Variants in AMOTL1 observed in about 807,000 individuals in gnomAD.
AMOTL1 encodes the protein angiomotin-like protein 1.
AMOTL1 carries 45 observed loss-of-function variants against 102.9 expected under a neutral mutation model. The ratio of observed to expected loss-of-function variants is 0.44; its 90% CI spans 0.34 to 0.56. The LOEUF is 0.56. AMOTL1 is among the 20% of genes least tolerant of loss of function. The pLI, the probability that AMOTL1 is intolerant of heterozygous loss-of-function variation, is 0.01. For synonymous variants in AMOTL1, 481 were observed against 484.7 expected (o/e 0.99, Z 0.10); for missense variants, 1,114 against 1,225.6 (o/e 0.91, Z 1.36).
chr11:94,766,478 CTTG>C (rs1177401063), upstream of AMOTL1, among the ~76,000 whole-genome samples: 3 of 152,200 alleles, frequency 2.0e-5, no homozygotes, highest in African/African-American at 7.2e-5. Flanking sequence ...TTGTTCTAAA[CTTG>C]ATGGTTGTAA....
intron 1 of AMOTL1, among the ~76,000 whole-genome samples, chr11:94,769,531 C>T (rs531834706): frequency 4.9e-4 from 75 of 152,326 alleles, no homozygotes; most frequent in Non-Finnish European, 5.4e-4. Flanking sequence ...CCGCGCCTCG[C>T]CCACCCTACT....
intron 3 of AMOTL1, 93 bp from the exon 4 acceptor site, chr11:94,821,437 T>A: frequency 1.5e-6 from 2 of 1,341,016 alleles, no homozygotes; most frequent in South Asian, 2.8e-5. Flanking sequence ...CCTCTGACCA[T>A]GGAAGCCATC....
chr11:94,759,937 C>G (rs569537697), intron 3 of AMOTL1, among the ~76,000 whole-genome samples: 1 of 152,340 alleles, frequency 6.6e-6, no homozygotes, highest in East Asian at 1.9e-4. Context: ...GGTCCATGGA[C>G]AAGCAGCATC....
At chr11:94,811,752 T>A (rs980368981) in intron 3 of AMOTL1, among the ~76,000 whole-genome samples, 2 of 152,160 alleles carry the variant, frequency 1.3e-5, no homozygotes, top group African/African-American at 4.8e-5. Context: ...ATTTATACAA[T>A]TACTGAGCAC....
At position 94,787,645 on chromosome 11, in the gene AMOTL1, G is replaced by A. The variant is rs555798478; in HGVS notation, c.50-7366G>A. Among the ~76,000 whole-genome samples the A allele has an allele frequency of 6.2e-5, 8 of 128,140 alleles. No homozygotes were observed. In the South Asian group the frequency reaches 1.9e-3, roughly 31 times the overall value. 84.1% of individuals were successfully genotyped at this position (128,140 alleles called of 152,430 possible). On this transcript the variant is annotated intron_variant, in intron 1 of 12. Coordinates refer to ENST00000433060, the MANE Select transcript of AMOTL1 (RefSeq NM_130847.3). ...GGAGCTTGCAGTGAGTCGAGATCGC[G>A]CCACTGCACTCCAGCCTGGGCGACA... is the stretch of plus-strand genomic sequence containing the variant.
At chr11:94,832,804 C>A (rs1952100571) in intron 6 of AMOTL1, among the ~76,000 whole-genome samples, 1 of 152,214 alleles carries the variant, frequency 6.6e-6, no homozygotes, top group Non-Finnish European at 1.5e-5. Flanking sequence ...TAGTTAGTGT[C>A]TTTGGCAGGT....
chr11:94,831,871 A>G (rs576293035), intron 6 of AMOTL1, among the ~76,000 whole-genome samples: 63 of 152,298 alleles, frequency 4.1e-4, no homozygotes, highest in African/African-American at 1.5e-3. Flanking sequence ...TCTCCAGGAA[A>G]TGGAAGGCAG....
At chr11:94,738,319 G>T (rs1235488233) in intron 2 of AMOTL1, among the ~76,000 whole-genome samples, 1 of 151,248 alleles carries the variant, frequency 6.6e-6, no homozygotes, top group East Asian at 1.9e-4. Flanking sequence ...CTGCAATGGC[G>T]TGATCTCTGC....
chr11:94,722,173 T>C (rs957461384), intron 1 of AMOTL1, among the ~76,000 whole-genome samples: 2 of 152,126 alleles, frequency 1.3e-5, no homozygotes, highest in African/African-American at 4.8e-5. Context: ...GACTAGTTTT[T>C]CCCCTCCCTT....
chr11:94,800,448 T>A (rs2135574530), intron 3 of AMOTL1, 137 bp downstream of exon 3: 1 of 985,522 alleles, frequency 1.0e-6, no homozygotes, highest in East Asian at 2.5e-5. Flanking sequence ...ATAAACCACT[T>A]TGTGGCCAGA....
chr11:94,862,299 A>G (rs1360693860), intron 9 of AMOTL1, among the ~76,000 whole-genome samples: 1 of 152,172 alleles, frequency 6.6e-6, no homozygotes, highest in Non-Finnish European at 1.5e-5. Flanking sequence ...TTTTCTTTTC[A>G]GTAAGAGAAA....
In AMOTL1 at chr11:94,738,011, T is replaced by C. The variant is rs577706238; in HGVS notation, c.86-2927T>C. Reference sequence around the variant, plus strand: ...AAAAAGACAGGATCATAGTAGTATGTCTGTATACTGACAGGAGTGATCAAG... The same window carrying C: ...AAAAAGACAGGATCATAGTAGTATGCCTGTATACTGACAGGAGTGATCAAG... On this transcript the variant is annotated intron_variant, in intron 2 of 4. Transcript: ENST00000299004. Among the ~76,000 whole-genome samples the C allele has an allele frequency of 2.0e-5, 3 of 152,326 alleles. No individual in the cohort carries two copies. In the East Asian group the frequency reaches 5.8e-4, roughly 29 times the overall value.
At chr11:94,808,620 T>G (rs1951608203) in intron 3 of AMOTL1, among the ~76,000 whole-genome samples, 1 of 152,192 alleles carries the variant, frequency 6.6e-6, no homozygotes, top group African/African-American at 2.4e-5. Context: ...GCTAGTCTGT[T>G]GCATGAGTTG....
At chr11:94,815,193 A>G (rs1226795858) in intron 3 of AMOTL1, among the ~76,000 whole-genome samples, 1 of 152,224 alleles carries the variant, frequency 6.6e-6, no homozygotes, top group Non-Finnish European at 1.5e-5. Flanking sequence ...CTTAATATTT[A>G]TCTCTGCTAG....
At chr11:94,787,131 AG>A (rs927055251) in intron 1 of AMOTL1, among the ~76,000 whole-genome samples, 73 of 152,060 alleles carry the variant, frequency 4.8e-4, no homozygotes, top group African/African-American at 1.7e-3. Context: ...GGGAGCACTG[AG>A]TAGCATATAG....
chr11:94,796,584 G>A (rs1169405549), intron 2 of AMOTL1, among the ~76,000 whole-genome samples: 8 of 152,314 alleles, frequency 5.3e-5, no homozygotes, highest in South Asian at 2.1e-4. Context: ...GTTGGAACCC[G>A]TAGAGTGGCT....
At chr11:94,801,107 G>T (rs1272536213) in intron 3 of AMOTL1, among the ~76,000 whole-genome samples, 1 of 152,164 alleles carries the variant, frequency 6.6e-6, no homozygotes, top group Non-Finnish European at 1.5e-5. Flanking sequence ...GGATGCTAGG[G>T]TAACAGGTAG....
intron 1 of AMOTL1, among the ~76,000 whole-genome samples, chr11:94,791,971 T>C (rs1463882530): frequency 6.6e-6 from 1 of 152,200 alleles, no homozygotes; most frequent in Non-Finnish European, 1.5e-5. Context: ...AAATTTTTGT[T>C]GTGTGGCCCC....
At chr11:94,786,595 T>A (rs915204941) in intron 1 of AMOTL1, among the ~76,000 whole-genome samples, 37 of 152,074 alleles carry the variant, frequency 2.4e-4, no homozygotes, top group African/African-American at 8.0e-4. Flanking sequence ...TTTTTTCTTT[T>A]TTATTATTAT....
Sources: gnomAD v4.1 joint callset for allele counts (sites outside exome capture counted in the v4.1 genomes callset) on GRCh38, gnomAD v4.1.1 for gene constraint, MANE v1.5 for transcripts, NCBI Gene and HGNC (gene_info 2026-07-23, HGNC 2026-07-21) for gene names.